CHMP1A: variants seen among roughly 807,000 people sequenced by gnomAD.
The protein encoded by CHMP1A is VPS46 homolog A.
Under a neutral mutation model 27.0 loss-of-function variants are expected in CHMP1A, and 17 were observed. That is an observed-to-expected ratio of 0.63 (90% CI 0.43 to 0.95). The LOEUF (loss-of-function observed/expected upper bound fraction) is 0.95. CHMP1A is among the 40% of genes least tolerant of loss of function. The pLI, the probability that CHMP1A is intolerant of heterozygous loss-of-function variation, is 0.00. For synonymous variants in CHMP1A, 131 were observed against 107.5 expected, an observed-to-expected ratio of 1.22 and a Z score of -1.35; for missense variants, 275 against 264.0, an observed-to-expected ratio of 1.04 and a Z score of -0.29.
chr16:89,646,014 G>A lies in CHMP1A; in HGVS notation c.*52C>T. On this transcript the variant is annotated 3_prime_UTR_variant, in exon 7 of 7. Coordinates refer to ENST00000397901, the MANE Select transcript of CHMP1A (RefSeq NM_002768.5). ...GCAAGACGCGGTGGGGAGAGGACAG[G>A]AGCCTTCCAGCACATCACGGGGCAG... 6.2e-6 allele frequency: 10 copies of A among 1,609,190 alleles called. No individual in the cohort carries two copies. Among genetic ancestry groups the A allele is most frequent in the Non-Finnish European group, 8.5e-6 (10 of 1,178,402 alleles).
At chr16:89,654,578 C>A (rs2059849783) in intron 1 of CHMP1A, among the ~76,000 whole-genome samples, 2 of 152,062 alleles carry the variant, frequency 1.3e-5, no homozygotes, top group South Asian at 2.1e-4. Flanking sequence ...CTGAGGCGGG[C>A]AGATCACTTG....
chr16:89,649,207 C>G (rs1393858883), intron 4 of CHMP1A, 144 bp downstream of exon 4: 5 of 825,138 alleles, frequency 6.1e-6, no homozygotes, highest in Non-Finnish European at 8.8e-6. Flanking sequence ...CCCCACCCCA[C>G]GCTGATCCAG....
At chr16:89,646,781 A>T in intron 5 of CHMP1A, 67 bp from the exon 6 acceptor site, 1 of 1,521,048 alleles carries the variant, frequency 6.6e-7, no homozygotes, top group South Asian at 1.2e-5. Context: ...TCAGCTTCAC[A>T]AGGGTACGAC....
chr16:89,653,387 G>C (rs1255321588), intron 2 of CHMP1A, among the ~76,000 whole-genome samples: 4 of 149,678 alleles, frequency 2.7e-5, no homozygotes, highest in African/African-American at 9.7e-5. Flanking sequence ...TTAGGAGGCC[G>C]AGGTAGGCGG....
chr16:89,645,963 C>T lies in CHMP1A; in HGVS notation c.*103G>A, dbSNP rs373074379. 8.1e-5 allele frequency: 131 copies of T among 1,611,196 alleles called. No individual in the cohort carries two copies. The highest frequency in any genetic ancestry group is 1.0e-4 in the Non-Finnish European group (120 of 1,179,152). On this transcript the variant is annotated 3_prime_UTR_variant, in exon 7 of 7. Coordinates refer to ENST00000397901, the MANE Select transcript of CHMP1A (RefSeq NM_002768.5). ...TGAGAGACGCAGAGTGGCTGCCGGCCGCAGCCCCGCGGGGTCAGCACAAAG... is the reference window on the plus strand; with the variant it reads ...TGAGAGACGCAGAGTGGCTGCCGGCTGCAGCCCCGCGGGGTCAGCACAAAG...
Position 89,644,614 on chromosome 16 carries a change from C to T in CHMP1A, c.*1452G>A, listed in dbSNP as rs1048895937. 1 of 152,350 alleles carries T rather than the reference C, an allele frequency of 6.6e-6. No homozygotes were observed. Among genetic ancestry groups the T allele is most frequent in the Non-Finnish European group, 1.5e-5 (1 of 68,144 alleles). The allele number at this position is 152,350 out of a possible 1,614,324, so 9.4% of individuals were successfully genotyped here. A position where few individuals can be genotyped will look rare whatever the true frequency, so the allele number is the denominator to read the frequency against. ...TGGACAGAAGGACGTTCTCTCAACA[C>T]CAGGGTTGATTTTGGGGAGGCTGGA... On this transcript the variant is annotated 3_prime_UTR_variant, in exon 7 of 7. Transcript: ENST00000397901.
At position 89,651,127 on chromosome 16, in the gene CHMP1A, C is replaced by G. The variant is rs959470756; in HGVS notation, c.105+442G>C. Among the ~76,000 whole-genome samples the G allele has an allele frequency of 6.6e-5, 10 of 152,250 alleles. No individual in the cohort carries two copies. The East Asian group carries it at 1.9e-3, about 29-fold the overall frequency. ...GCACAGTGGCTCATGCCTGCAATACCAGCACTTTTGGAGGCCAAGGCAGGT... is the reference window on the plus strand; with the variant it reads ...GCACAGTGGCTCATGCCTGCAATACGAGCACTTTTGGAGGCCAAGGCAGGT... On this transcript the variant is annotated intron_variant, in intron 3 of 6. Transcript: ENST00000397901.
At chr16:89,649,732 T>G (rs145615852) in intron 3 of CHMP1A, 2 of 482,670 alleles carry the variant, frequency 4.1e-6, no homozygotes, top group East Asian at 8.0e-5. Flanking sequence ...CCCGCCACCA[T>G]GCCTGGCTAA....
chr16:89,648,702 C>A (rs2059800114), intron 4 of CHMP1A, among the ~76,000 whole-genome samples: 3 of 128,266 alleles, frequency 2.3e-5, no homozygotes, highest in Non-Finnish European at 3.4e-5. Flanking sequence ...ACCAGAGCGG[C>A]CAACATAGAC....
chr16:89,657,667 G>T lies in CHMP1A; in HGVS notation c.-79C>A, dbSNP rs929442620. ...GCGGTGTCAGGTCCCGGCGGCGATC[G>T]AACCGACCAAGCTGCACCCGGCGGG... On this transcript the variant is annotated 5_prime_UTR_variant, in exon 1 of 7. Coordinates refer to ENST00000397901, the MANE Select transcript of CHMP1A (RefSeq NM_002768.5). 5.0e-6 allele frequency: 8 copies of T among 1,597,776 alleles called. No individual in the cohort carries two copies. The African/African-American group carries it at 5.4e-5, about 11-fold the overall frequency.
chr16:89,646,884 G>GGGCCCCCCCCCCCCCC, intron 5 of CHMP1A, 170 bp from the exon 6 acceptor site: 2 of 709,052 alleles, frequency 2.8e-6, no homozygotes, highest in Non-Finnish European at 4.8e-6. Context: ...AGCCTTTCCT[G>GGGCCCCCCCCCCCCCC]CCCCCCCACC....
chr16:89,655,120 C>G (rs2151517617), intron 1 of CHMP1A, among the ~76,000 whole-genome samples: 1 of 152,194 alleles, frequency 6.6e-6, no homozygotes, highest in South Asian at 2.1e-4. Context: ...CAAATGCACA[C>G]CAAGGCTCCA....
chr16:89,650,336 G>A lies in CHMP1A; in HGVS notation c.106-839C>T, dbSNP rs56919849. Among the ~76,000 whole-genome samples, 963 of 152,038 alleles carry A rather than the reference G, an allele frequency of 6.3e-3. 7 individuals carry two copies. The highest frequency in any genetic ancestry group is 0.022 in the African/African-American group (910 of 41,458). On this transcript the variant is annotated intron_variant, in intron 3 of 6. Transcript: ENST00000397901. The stretch of plus-strand genomic sequence containing the variant: ...TGGGATTATAGGTGTGAATCACTGC[G>A]CCCGGCCTAGATCCCTCCTCTCCTT...
chr16:89,651,230 T>C (rs2059820779), intron 3 of CHMP1A, among the ~76,000 whole-genome samples: 1 of 151,824 alleles, frequency 6.6e-6, no homozygotes, highest in South Asian at 2.1e-4. Context: ...AATTAAAAAA[T>C]TAGCTGGGTG....
chr16:89,651,798 G>C (rs2059826572), intron 2 of CHMP1A, among the ~76,000 whole-genome samples, 152 bp from the exon 3 acceptor site: 3 of 152,242 alleles, frequency 2.0e-5, no homozygotes, highest in Admixed American at 6.5e-5. Context: ...CGCAGGGAAG[G>C]CGTGAAGCCT....
intron 3 of CHMP1A, among the ~76,000 whole-genome samples, chr16:89,649,827 C>T (rs571830072): frequency 3.6e-4 from 55 of 152,362 alleles, no homozygotes; most frequent in Middle Eastern, 3.4e-3. Context: ...CTGCCCGCCT[C>T]GGCCTCCCAA....
intron 4 of CHMP1A, 147 bp downstream of exon 4, chr16:89,649,204 C>G (rs1166427729): frequency 9.4e-5 from 77 of 820,150 alleles, no homozygotes; most frequent in Non-Finnish European, 1.4e-4. Flanking sequence ...CCTCCCCACC[C>G]CACGCTGATC....
rs973102892 is a variant in CHMP1A at position 89,644,838 on chromosome 16, G to C, written c.*1228C>G. 1.3e-5 allele frequency: 2 copies of C among 152,570 alleles called. No homozygotes were observed. Among genetic ancestry groups the C allele is most frequent in the Non-Finnish European group, 2.9e-5 (2 of 68,140 alleles). 9.5% of individuals were successfully genotyped at this position (152,570 alleles called of 1,614,324 possible). A position where few individuals can be genotyped will look rare whatever the true frequency, so the allele number is the denominator to read the frequency against. On this transcript the variant is annotated 3_prime_UTR_variant, in exon 7 of 7. Transcript: ENST00000397901. Reference sequence around the variant, plus strand: ...GGGAGGGCAGGACTGAAGAGGGGCGGGGACCCGCACTCCCTGCCAGCCGCC... The same window carrying C: ...GGGAGGGCAGGACTGAAGAGGGGCGCGGACCCGCACTCCCTGCCAGCCGCC...
chr16:89,657,621 G>A lies in CHMP1A; in HGVS notation c.-33C>T. 2 of 1,610,022 alleles carry A rather than the reference G, an allele frequency of 1.2e-6. No homozygotes were observed. Among genetic ancestry groups the A allele is most frequent in the Non-Finnish European group, 1.7e-6 (2 of 1,178,860 alleles). On this transcript the variant is annotated 5_prime_UTR_variant, in exon 1 of 7. Coordinates refer to ENST00000397901, the MANE Select transcript of CHMP1A (RefSeq NM_002768.5). ...ATGACAGGAGCAGCACTCGGAGAGG[G>A]AGAAGGGACGCCAACTCCGGGCGGT...
Sources: allele counts gnomAD v4.1 joint callset (sites outside exome capture counted in the v4.1 genomes callset), GRCh38; gene constraint gnomAD v4.1.1; transcripts MANE v1.5; gene names NCBI Gene and HGNC (gene_info 2026-07-23, HGNC 2026-07-21).